VWC2: variants seen among roughly 807,000 people sequenced by gnomAD.
VWC2 encodes the protein brorin.
In VWC2, 14 loss-of-function variants were observed where a neutral mutation model predicts 29.8. That is an observed-to-expected ratio of 0.47 (90% confidence interval 0.31 to 0.74). VWC2 has a LOEUF of 0.74. VWC2 is among the 30% of genes least tolerant of loss of function. The pLI is 0.05. For synonymous variants in VWC2, 213 were observed against 199.0 expected (o/e 1.07, Z -0.59); for missense variants, 457 against 459.8 (o/e 0.99, Z 0.05).
chr7:49,829,604 G>A (rs570937240), intron 3 of VWC2, among the ~76,000 whole-genome samples: 1 of 152,290 alleles, frequency 6.6e-6, no homozygotes, highest in East Asian at 1.9e-4. Flanking sequence ...GGAGTCCAAC[G>A]CATCACGCCA....
intron 3 of VWC2, among the ~76,000 whole-genome samples, chr7:49,882,299 C>G (rs989099133): frequency 2.0e-5 from 3 of 152,036 alleles, no homozygotes; most frequent in African/African-American, 7.2e-5. Flanking sequence ...TTCTGCTAAG[C>G]CTTCCTCACT....
At position 49,877,481 on chromosome 7, in the gene VWC2, A is replaced by AAAAATATACATATATATAT; in HGVS notation, c.827-34552_827-34551insAAATATACATATATATATA. 3.6e-3 allele frequency among the ~76,000 whole-genome samples: 46 copies of AAAAATATACATATATATAT among 12,728 alleles called. 16 individuals are homozygous for AAAAATATACATATATATAT. The highest frequency in any genetic ancestry group is 0.017 in the East Asian group (3 of 180). 8.4% of individuals were successfully genotyped at this position (12,728 alleles called of 152,430 possible). A position where few individuals can be genotyped will look rare whatever the true frequency, so the allele number is the denominator to read the frequency against. ...CTGTCTCAAAAAAAAAAAAAAAAAA[A>AAAAATATACATATATATAT]ATATATATATATATATATATATATA... On this transcript the variant is annotated intron_variant, in intron 3 of 3. Transcript: ENST00000340652.
chr7:49,921,418 A>G lies in VWC2; in HGVS notation c.*9233A>G, dbSNP rs1215371483. ...TATTCTCAATAAACGTTTGCAATTT[A>G]TTTGCTTTAATGTAACTTGGCAGTA... On this transcript the variant is annotated 3_prime_UTR_variant, in exon 4 of 4. Transcript: ENST00000340652. 1 of 152,102 alleles carries G rather than the reference A, an allele frequency of 6.6e-6. No homozygotes were observed. The highest frequency in any genetic ancestry group is 2.4e-5 in the African/African-American group (1 of 41,422). 9.4% of individuals were successfully genotyped at this position (152,102 alleles called of 1,614,324 possible).
intron 3 of VWC2, among the ~76,000 whole-genome samples, chr7:49,868,997 T>G (rs1429563679): frequency 1.3e-5 from 2 of 152,270 alleles, no homozygotes; most frequent in Admixed American, 6.5e-5. Flanking sequence ...GAGTACGGTT[T>G]CTGAAGGGAT....
At chr7:49,860,434 A>G (rs1416745446) in intron 3 of VWC2, among the ~76,000 whole-genome samples, 1 of 152,194 alleles carries the variant, frequency 6.6e-6, no homozygotes, top group Admixed American at 6.5e-5. Context: ...TTAGTGCTTC[A>G]TTCCTTTCTG....
At chr7:49,805,075 T>C (rs1010035574) in intron 3 of VWC2, among the ~76,000 whole-genome samples, 1 of 152,206 alleles carries the variant, frequency 6.6e-6, no homozygotes, top group African/African-American at 2.4e-5. Context: ...CTGTGTTCAA[T>C]TTTTTCATTT....
chr7:49,887,114 C>T (rs796311060), intron 3 of VWC2, among the ~76,000 whole-genome samples: 12 of 152,252 alleles, frequency 7.9e-5, no homozygotes, highest in Middle Eastern at 3.4e-3. Flanking sequence ...AATCCTTTAT[C>T]GACAAGGGTT....
At chr7:49,794,566 G>T (rs1274112673) in intron 2 of VWC2, among the ~76,000 whole-genome samples, 2 of 152,196 alleles carry the variant, frequency 1.3e-5, no homozygotes, top group African/African-American at 4.8e-5. Context: ...AAGAAATATT[G>T]CATGTGGTTT....
chr7:49,870,589 C>A (rs551171202), intron 3 of VWC2, among the ~76,000 whole-genome samples: 1 of 152,008 alleles, frequency 6.6e-6, no homozygotes, highest in African/African-American at 2.4e-5. Flanking sequence ...GCATGTCTTA[C>A]GAGTAGGATT....
chr7:49,849,698 G>C (rs1022247616), intron 3 of VWC2, among the ~76,000 whole-genome samples: 2 of 152,200 alleles, frequency 1.3e-5, no homozygotes, highest in Non-Finnish European at 2.9e-5. Context: ...TTTATTTCAG[G>C]GAGATTGTGG....
chr7:49,841,309 C>CTT (rs11294642), intron 3 of VWC2, among the ~76,000 whole-genome samples: 1 of 145,808 alleles, frequency 6.9e-6, no homozygotes, highest in African/African-American at 2.5e-5. Context: ...TTACACATTA[C>CTT]TTTTTTTTTT....
At chr7:49,881,828 T>C (rs1791678638) in intron 3 of VWC2, among the ~76,000 whole-genome samples, 1 of 152,048 alleles carries the variant, frequency 6.6e-6, no homozygotes, top group African/African-American at 2.4e-5. Context: ...ATAACTTATG[T>C]TTGTACTACT....
In VWC2 at chr7:49,882,864, T is replaced by TTTGTTG. The variant is rs201572339; in HGVS notation, c.827-29152_827-29147dup. 2.6e-4 allele frequency among the ~76,000 whole-genome samples: 40 copies of TTTGTTG among 152,020 alleles called. 1 individual carries two copies. The highest frequency in any genetic ancestry group is 2.2e-3 in the Admixed American group (33 of 15,256). On this transcript the variant is annotated intron_variant, in intron 3 of 3. Coordinates refer to ENST00000340652, the MANE Select transcript of VWC2 (RefSeq NM_198570.5). Reference sequence around the variant, plus strand: ...TTTGTGTTTTTGGGTTTTTTTTGTTTTTGTTGTTGTTGTTGTTGTTGTTTT... The same window carrying TTTGTTG: ...TTTGTGTTTTTGGGTTTTTTTTGTTTTTGTTGTTGTTGTTGTTGTTGTTGTTGTTTT...
intron 3 of VWC2, among the ~76,000 whole-genome samples, chr7:49,879,712 CT>C (rs60010804): frequency 0.018 from 2,744 of 150,508 alleles, 88 homozygotes; most frequent in African/African-American, 0.065. Flanking sequence ...AATTCTTTCT[CT>C]TTGGTTCTTG....
chr7:49,873,658 C>A (rs1791274410), intron 3 of VWC2, among the ~76,000 whole-genome samples: 1 of 152,116 alleles, frequency 6.6e-6, no homozygotes, highest in Non-Finnish European at 1.5e-5. Context: ...AGGCATTATG[C>A]AGTAATCATG....
intron 3 of VWC2, among the ~76,000 whole-genome samples, chr7:49,842,247 G>GAACT (rs1468099577): frequency 2.6e-5 from 4 of 152,142 alleles, no homozygotes; most frequent in Non-Finnish European, 5.9e-5. Flanking sequence ...GGATATGCAT[G>GAACT]AACTAGTAAA....
At chr7:49,810,583 A>G (rs895913733) in intron 3 of VWC2, among the ~76,000 whole-genome samples, 1 of 152,186 alleles carries the variant, frequency 6.6e-6, no homozygotes, top group African/African-American at 2.4e-5. Context: ...AAATTTTTAA[A>G]AGAACAAAGT....
chr7:49,896,946 A>T (rs1262987990), intron 3 of VWC2, among the ~76,000 whole-genome samples: 1 of 140,126 alleles, frequency 7.1e-6, no homozygotes, highest in Non-Finnish European at 1.5e-5. Context: ...CGGACTGCAG[A>T]CTGCAGTGGC....
chr7:49,868,926 T>C (rs928768116), intron 3 of VWC2, among the ~76,000 whole-genome samples: 10 of 152,326 alleles, frequency 6.6e-5, no homozygotes, highest in Admixed American at 5.9e-4. Context: ...GCCTGGGAGA[T>C]CTTTAAAAAT....
Sources: gnomAD v4.1 joint callset for allele counts (sites outside exome capture counted in the v4.1 genomes callset) on GRCh38, gnomAD v4.1.1 for gene constraint, MANE v1.5 for transcripts, NCBI Gene and HGNC (gene_info 2026-07-23, HGNC 2026-07-21) for gene names.